ZNF701: variants seen among roughly 807,000 people sequenced by gnomAD.
ZNF701 encodes the protein zinc finger protein 701.
ZNF701 carries 6 observed loss-of-function variants against 7.1 expected under a neutral mutation model. The observed-to-expected ratio is 0.84, with a 90% CI of 0.46 to 1.66. ZNF701 has a LOEUF of 1.66. ZNF701 is among the 40% of genes most tolerant of loss of function. The pLI, the probability that ZNF701 is intolerant of heterozygous loss-of-function variation, is 0.01. For synonymous variants in ZNF701, 166 were observed against 188.2 expected (o/e 0.88, Z 0.97); for missense variants, 541 against 559.2 (o/e 0.97, Z 0.33).
In ZNF701 at chr19:52,585,077, C is replaced by G. The variant is rs1276847840; in HGVS notation, c.*1620C>G. On this transcript the variant is annotated 3_prime_UTR_variant, in exon 4 of 4. Coordinates refer to ENST00000391785, the MANE Select transcript of ZNF701 (RefSeq NM_018260.3). Reference sequence around the variant, plus strand: ...CTCAACTCAGAGCAAATTGAGACGTCCGGGTGGGAGTCCGTGAGTCTTTTC... The same window carrying G: ...CTCAACTCAGAGCAAATTGAGACGTGCGGGTGGGAGTCCGTGAGTCTTTTC... The G allele has an allele frequency of 2.6e-5, 4 of 151,998 alleles. No individual in the cohort carries two copies. The highest frequency in any genetic ancestry group is 9.6e-5 in the African/African-American group (4 of 41,458). The allele number at this position is 151,998 out of a possible 1,614,324, so 9.4% of individuals were successfully genotyped here. A position where few individuals can be genotyped will look rare whatever the true frequency, so the allele number is the denominator to read the frequency against.
At chr19:52,593,200 C>T in the ZNF701 span, among the ~76,000 whole-genome samples, 3 of 118,526 alleles carry the variant, frequency 2.5e-5, 1 homozygote, top group Admixed American at 1.7e-4. Context: ...GACACCACAA[C>T]CATCCGATTT....
chr19:52,585,463 C>T lies in ZNF701; in HGVS notation c.*2006C>T, dbSNP rs1255318446. 1 of 152,202 alleles carries T rather than the reference C, an allele frequency of 6.6e-6. No homozygotes were observed. Among genetic ancestry groups the T allele is most frequent in the African/African-American group, 2.4e-5 (1 of 41,446 alleles). The allele number at this position is 152,202 out of a possible 1,614,324, so 9.4% of individuals were successfully genotyped here. On this transcript the variant is annotated 3_prime_UTR_variant, in exon 4 of 4. Transcript: ENST00000391785. ...AAAACGTGCTTCTCCTGGAGGCAAC[C>T]CTCTTTTTCCACCCTCGCCCTGTTG...
In ZNF701 at chr19:52,582,517, T is replaced by G. The variant is rs763569895; in HGVS notation, c.458T>G (p.Ile153Arg). ...CATTCGCATCTGCCTGAAGTGCACA[T>G]ATTTCACCCCGAAGGGAAAATTGGT... ...SFHSHLPEVH[I>R]FHPEGKIGNQ... Residue 153 changes from isoleucine to arginine, a missense_variant, in exon 4 of 4, where the codon ATA (isoleucine) becomes AGA (arginine). Physicochemically the swap from Ile to Arg is moderately conservative, Grantham distance 97. Transcript: ENST00000391785. 1.9e-6 allele frequency: 3 copies of G among 1,614,186 alleles called. No homozygotes were observed. Among genetic ancestry groups the G allele is most frequent in the Non-Finnish European group, 2.5e-6 (3 of 1,180,028 alleles).
rs1416202348 is a variant in ZNF701 at position 52,584,848 on chromosome 19, C to T, written c.*1391C>T. 6.6e-6 allele frequency: 1 copy of T among 152,304 alleles called. No individual in the cohort carries two copies. Among genetic ancestry groups the T allele is most frequent in the East Asian group, 1.9e-4 (1 of 5,188 alleles). 9.4% of individuals were successfully genotyped at this position (152,304 alleles called of 1,614,324 possible). On this transcript the variant is annotated 3_prime_UTR_variant, in exon 4 of 4. Transcript: ENST00000391785. The stretch of plus-strand genomic sequence containing the variant: ...AGGCCCCGCCCACCTCTTCGCCTCC[C>T]GTCTGGCCTGACCCAGGCCCCGCCC...
At chr19:52,572,288 C>T (rs1014904566) in intron 1 of ZNF701, 11 of 759,094 alleles carry the variant, frequency 1.4e-5, no homozygotes, top group Non-Finnish European at 2.2e-5. Flanking sequence ...CTCCCGACAT[C>T]AGGTGATCCG....
At position 52,583,246 on chromosome 19, in the gene ZNF701, C is replaced by T. The variant is rs773061907; in HGVS notation, c.1187C>T (p.Ser396Phe). ...GGCAAGACCTTTGTTCAAAATTCAT[C>T]TCTTGTAATGCATAAGGTCATTCAT... ...ECGKTFVQNS[S>F]LVMHKVIHTG... Residue 396 changes from serine to phenylalanine, a missense_variant, in exon 4 of 4, where the codon TCT becomes TTT. Ser to Phe is a radical substitution (Grantham distance 155). Transcript: ENST00000391785. 1 of 1,609,914 alleles carries T rather than the reference C, an allele frequency of 6.2e-7. No homozygotes were observed. Among genetic ancestry groups the T allele is most frequent in the Non-Finnish European group, 8.5e-7 (1 of 1,177,014 alleles).
At chr19:52,573,812 G>C (rs977629783) in intron 1 of ZNF701, among the ~76,000 whole-genome samples, 2 of 152,316 alleles carry the variant, frequency 1.3e-5, no homozygotes, top group South Asian at 4.1e-4. Flanking sequence ...CCACCGCACC[G>C]AGCCTCTGCA....
At chr19:52,581,159 CA>C (rs926720422) in intron 3 of ZNF701, among the ~76,000 whole-genome samples, 2 of 152,138 alleles carry the variant, frequency 1.3e-5, no homozygotes, top group African/African-American at 4.8e-5. Flanking sequence ...AAAAAAGTCA[CA>C]AAGTGCCTGT....
intron 1 of ZNF701, chr19:52,572,473 G>A (rs162834): frequency 0.15 from 179,739 of 1,180,058 alleles, 16,929 homozygotes; most frequent in African/African-American, 0.43. Context: ...AACTTGCAAA[G>A]GAAGTTTCTT....
chr19:52,597,042 A>C, the ZNF701 span: 1 of 1,250,118 alleles, frequency 8.0e-7, no homozygotes, highest in Non-Finnish European at 1.1e-6. Context: ...CAGTAATGCT[A>C]CAACCATTGC....
At chr19:52,595,871 A>C in the ZNF701 span, 1 of 1,613,062 alleles carries the variant, frequency 6.2e-7, no homozygotes, top group Middle Eastern at 1.7e-4. Flanking sequence ...ACATGCTGGA[A>C]ACAAGCCTAT....
chr19:52,586,729 G>C lies in ZNF701; in HGVS notation c.*3272G>C, dbSNP rs761385585. On this transcript the variant is annotated 3_prime_UTR_variant, in exon 4 of 4. Transcript: ENST00000391785. ...CCACCTGTAATATACAGGTGAGGGAGAAGACCAGAAAAGCTCAGTCAGAGT... is the reference window on the plus strand; with the variant it reads ...CCACCTGTAATATACAGGTGAGGGACAAGACCAGAAAAGCTCAGTCAGAGT... 6.6e-6 allele frequency: 1 copy of C among 152,192 alleles called. No individual in the cohort carries two copies. The highest frequency in any genetic ancestry group is 1.5e-5 in the Non-Finnish European group (1 of 68,052). The allele number at this position is 152,192 out of a possible 1,614,324, so 9.4% of individuals were successfully genotyped here.
At chr19:52,571,930 T>G (rs2059903250) in intron 1 of ZNF701, among the ~76,000 whole-genome samples, 1 of 151,798 alleles carries the variant, frequency 6.6e-6, no homozygotes, top group Non-Finnish European at 1.5e-5. Flanking sequence ...TTCAAGCGAG[T>G]CTCCTGCCTC....
intron 1 of ZNF701, among the ~76,000 whole-genome samples, chr19:52,571,485 C>T (rs2059899621): frequency 6.6e-6 from 1 of 152,042 alleles, no homozygotes. Flanking sequence ...GGAGAAGGAG[C>T]AACAAGAGAT....
At chr19:52,595,735 C>T in the ZNF701 span, 4 of 1,571,162 alleles carry the variant, frequency 2.5e-6, no homozygotes, top group African/African-American at 4.1e-5. Flanking sequence ...ATTTTTGCTT[C>T]CCAGAAATCA....
chr19:52,588,587 A>T (rs2060024626), downstream of ZNF701: 1 of 402,284 alleles, frequency 2.5e-6, no homozygotes, highest in Admixed American at 3.1e-5. Context: ...GGGCAAAGAA[A>T]AGGAGCCAGG....
At chr19:52,576,064 G>T (rs770267507) in intron 3 of ZNF701, 43 bp downstream of exon 3, 3 of 1,604,702 alleles carry the variant, frequency 1.9e-6, no homozygotes, top group Non-Finnish European at 2.5e-6. Context: ...TGCCCTTGTG[G>T]ATCTTTGTAT....
At chr19:52,597,685 C>A in the ZNF701 span, 1 of 305,276 alleles carries the variant, frequency 3.3e-6, no homozygotes, top group Non-Finnish European at 6.4e-6. Flanking sequence ...TTAGAAGGGG[C>A]AGGGCCTTGA....
At chr19:52,589,016 A>G (rs1425509659), downstream of ZNF701, among the ~76,000 whole-genome samples, 1 of 152,316 alleles carries the variant, frequency 6.6e-6, no homozygotes, top group East Asian at 1.9e-4. Flanking sequence ...TACCAAGAAT[A>G]ACACACTGGC....
Sources: allele counts gnomAD v4.1 joint callset (sites outside exome capture counted in the v4.1 genomes callset), GRCh38; gene constraint gnomAD v4.1.1; transcripts MANE v1.5; gene names NCBI Gene and HGNC (gene_info 2026-07-23, HGNC 2026-07-21).